The following SULT4A1 variants were observed in gnomAD, a reference collection of about 807,000 sequenced individuals.
SULT4A1 encodes the protein sulfotransferase 4A1.
SULT4A1 carries 11 observed loss-of-function variants against 35.2 expected under a neutral mutation model. That is an observed-to-expected ratio of 0.31 (90% CI 0.20 to 0.52). The LOEUF (loss-of-function observed/expected upper bound fraction) is 0.52. Ranked by LOEUF, SULT4A1 falls within the 20% of genes least tolerant of loss-of-function variation. The probability of loss-of-function intolerance (pLI) is 0.97; values close to 1 mark genes in which losing one functional copy is unlikely to be tolerated. For synonymous variants in SULT4A1, 152 were observed against 151.8 expected (o/e 1.00, Z -0.01); for missense variants, 271 against 383.7 (o/e 0.71, Z 2.45).
At chr22:43,828,975 C>T in intron 6 of SULT4A1, 85 bp downstream of exon 6, 1 of 1,398,260 alleles carries the variant, frequency 7.2e-7, no homozygotes. Flanking sequence ...GCAACAGGGA[C>T]CGGACTCGGC....
chr22:43,832,655 G>A (rs2063333540), intron 5 of SULT4A1, among the ~76,000 whole-genome samples: 1 of 151,632 alleles, frequency 6.6e-6, no homozygotes, highest in Admixed American at 6.6e-5. Flanking sequence ...ACCCGCCCCA[G>A]GGCCACAACA....
chr22:43,854,176 CACATCTTTGCCGCGGG>C (rs1324476995), intron 1 of SULT4A1, among the ~76,000 whole-genome samples: 1 of 152,188 alleles, frequency 6.6e-6, no homozygotes, highest in East Asian at 1.9e-4. Context: ...ATGCCCCATG[CACATCTTTGCCGCGGG>C]ACTTCACGGC....
intron 1 of SULT4A1, among the ~76,000 whole-genome samples, chr22:43,843,195 G>A (rs1202855819): frequency 6.6e-6 from 1 of 152,130 alleles, no homozygotes; most frequent in African/African-American, 2.4e-5. Flanking sequence ...CGGGAGGACT[G>A]CTTGAGGCCA....
chr22:43,847,730 C>T (rs1271533071), intron 1 of SULT4A1, among the ~76,000 whole-genome samples: 1 of 152,236 alleles, frequency 6.6e-6, no homozygotes, highest in Non-Finnish European at 1.5e-5. Context: ...AACAACACGC[C>T]TCTCGATCAG....
intron 5 of SULT4A1, among the ~76,000 whole-genome samples, chr22:43,833,253 T>C (rs1173304592): frequency 5.3e-5 from 8 of 152,088 alleles, no homozygotes; most frequent in Non-Finnish European, 1.2e-4. Context: ...GCTCAGTCTC[T>C]TCTGTGGTGA....
chr22:43,824,583 A>G lies in SULT4A1; in HGVS notation c.*1418T>C, dbSNP rs373297878. ...GTGTAGTGCTCAGTAACATCCATAC[A>G]GTACTAAAAATAGAAAAATATAAAT... On this transcript the variant is annotated 3_prime_UTR_variant, in exon 7 of 7. Coordinates refer to ENST00000330884, the MANE Select transcript of SULT4A1 (RefSeq NM_014351.4). The G allele has an allele frequency of 3.3e-5, 5 of 152,184 alleles. No homozygotes were observed. Among genetic ancestry groups the G allele is most frequent in the Admixed American group, 1.3e-4 (2 of 15,276 alleles). 9.4% of individuals were successfully genotyped at this position (152,184 alleles called of 1,614,324 possible).
In SULT4A1 at chr22:43,825,159, G is replaced by A. The variant is rs1226035257; in HGVS notation, c.*842C>T. On this transcript the variant is annotated 3_prime_UTR_variant, in exon 7 of 7. Coordinates refer to ENST00000330884, the MANE Select transcript of SULT4A1 (RefSeq NM_014351.4). The stretch of plus-strand genomic sequence containing the variant: ...CAGCATTAGTAGGCTATCACTTCAG[G>A]AAACAAAGTAAGGCTGTGGAATTCA... The A allele has an allele frequency of 6.6e-6, 1 of 152,146 alleles. No individual in the cohort carries two copies. The highest frequency in any genetic ancestry group is 1.9e-4 in the East Asian group (1 of 5,196). The allele number at this position is 152,146 out of a possible 1,614,324, so 9.4% of individuals were successfully genotyped here. A position where few individuals can be genotyped will look rare whatever the true frequency, so the allele number is the denominator to read the frequency against.
chr22:43,837,087 G>A (rs1161845144), intron 4 of SULT4A1, among the ~76,000 whole-genome samples: 1 of 152,270 alleles, frequency 6.6e-6, no homozygotes, highest in Admixed American at 6.5e-5. Context: ...TCTGGACATG[G>A]TGTGCTTTCA....
chr22:43,825,834 C>T lies in SULT4A1; in HGVS notation c.*167G>A, dbSNP rs142234744. ...GTTCTAAAGGCGAGACAGCTGCTTT[C>T]GGTTGGGAATCATCACACTCCCTCC... is the stretch of plus-strand genomic sequence containing the variant. On this transcript the variant is annotated 3_prime_UTR_variant, in exon 7 of 7. Transcript: ENST00000330884. The T allele has an allele frequency of 9.4e-6, 6 of 640,692 alleles. No homozygotes were observed. Among genetic ancestry groups the T allele is most frequent in the African/African-American group, 5.6e-5 (3 of 53,708 alleles). The allele number at this position is 640,692 out of a possible 1,614,324, so 39.7% of individuals were successfully genotyped here.
intron 6 of SULT4A1, 123 bp from the exon 7 acceptor site, chr22:43,826,236 C>A: frequency 6.7e-7 from 1 of 1,491,718 alleles, no homozygotes; most frequent in East Asian, 2.4e-5. Context: ...TTGAACTTGG[C>A]CTATGGGGGC....
At chr22:43,830,463 C>A (rs1335894250) in intron 5 of SULT4A1, among the ~76,000 whole-genome samples, 5 of 152,224 alleles carry the variant, frequency 3.3e-5, no homozygotes, top group Non-Finnish European at 5.9e-5. Flanking sequence ...GGTTATGAAA[C>A]CCAGCAGGGA....
chr22:43,860,397 A>T, intron 1 of SULT4A1, among the ~76,000 whole-genome samples: 1 of 152,226 alleles, frequency 6.6e-6, no homozygotes, highest in East Asian at 1.9e-4. Context: ...AGTCAGCATT[A>T]ACCACGAGCC....
intron 4 of SULT4A1, among the ~76,000 whole-genome samples, chr22:43,836,989 C>T (rs756306252): frequency 6.6e-6 from 1 of 152,276 alleles, no homozygotes; most frequent in African/African-American, 2.4e-5. Context: ...CCTCCAGCCT[C>T]GCAGAGCTGG....
chr22:43,830,156 G>T (rs2063315595), intron 5 of SULT4A1, among the ~76,000 whole-genome samples: 1 of 152,200 alleles, frequency 6.6e-6, no homozygotes, highest in Non-Finnish European at 1.5e-5. Context: ...CGCAGGGCTT[G>T]ACTCAAGAGT....
chr22:43,832,568 C>G (rs1194663775), intron 5 of SULT4A1, among the ~76,000 whole-genome samples: 2 of 152,056 alleles, frequency 1.3e-5, no homozygotes, highest in Non-Finnish European at 2.9e-5. Context: ...CCCCACACCC[C>G]AGGATCACAG....
At chr22:43,859,083 C>G (rs1438746384) in intron 1 of SULT4A1, among the ~76,000 whole-genome samples, 1 of 152,200 alleles carries the variant, frequency 6.6e-6, no homozygotes, top group African/African-American at 2.4e-5. Context: ...GTCACCATCA[C>G]CTCATGCCCA....
chr22:43,829,034 G>A lies in SULT4A1; in HGVS notation c.742+26C>T, dbSNP rs1264314213. ...GCCTGGCTGGGGTGGGGAGTGCCTG[G>A]GCGGGAGGCAGGGTGGGGCACGTAC... On this transcript the variant is annotated intron_variant, in intron 6 of 6. Transcript: ENST00000330884. 5 of 1,502,950 alleles carry A rather than the reference G, an allele frequency of 3.3e-6. No individual in the cohort carries two copies. The East Asian group carries it at 1.0e-4, about 31-fold the overall frequency. 93.1% of individuals were successfully genotyped at this position (1,502,950 alleles called of 1,614,324 possible).
chr22:43,856,839 A>C (rs2049406388), intron 1 of SULT4A1, among the ~76,000 whole-genome samples: 1 of 152,152 alleles, frequency 6.6e-6, no homozygotes, highest in South Asian at 2.1e-4. Context: ...AGCAGTTGAA[A>C]AGCCGGCCTC....
chr22:43,859,384 C>T (rs541597404), intron 1 of SULT4A1, among the ~76,000 whole-genome samples: 18 of 152,354 alleles, frequency 1.2e-4, no homozygotes, highest in South Asian at 8.3e-4. Context: ...CAGGACTGGC[C>T]GGAACCAGGG....
Sources: gnomAD v4.1 joint callset for allele counts (sites outside exome capture counted in the v4.1 genomes callset) on GRCh38, gnomAD v4.1.1 for gene constraint, MANE v1.5 for transcripts, NCBI Gene and HGNC (gene_info 2026-07-23, HGNC 2026-07-21) for gene names.